COL13A1: variants seen among roughly 807,000 people sequenced by gnomAD.
The protein encoded by COL13A1 is collagen type XIII alpha 1 chain.
Under a neutral mutation model 130.9 loss-of-function variants are expected in COL13A1, and 89 were observed. That is an observed-to-expected ratio of 0.68 (90% confidence interval 0.57 to 0.81). The LOEUF is 0.81. Among genes scored for constraint, COL13A1 ranks in the 30% least tolerant of loss-of-function variants. The pLI is 0.00. For synonymous variants in COL13A1, 402 were observed against 341.6 expected (o/e 1.18, Z -1.95); for missense variants, 879 against 934.6 (o/e 0.94, Z 0.78).
chr10:69,831,177 G>A (rs1294897991), intron 2 of COL13A1, among the ~76,000 whole-genome samples: 5 of 152,084 alleles, frequency 3.3e-5, no homozygotes, highest in African/African-American at 9.7e-5. Context: ...CCTAATTGGC[G>A]GTCTTTACCA....
intron 7 of COL13A1, among the ~76,000 whole-genome samples, chr10:69,884,180 G>A (rs898465034): frequency 2.9e-4 from 44 of 152,322 alleles, no homozygotes; most frequent in African/African-American, 1.0e-3. Context: ...CAGAGCATGT[G>A]GTCTGCTGGA....
intron 2 of COL13A1, among the ~76,000 whole-genome samples, chr10:69,855,265 G>A (rs1856078722): frequency 1.3e-5 from 2 of 152,196 alleles, no homozygotes; most frequent in South Asian, 4.1e-4. Context: ...CATGGAAGCA[G>A]GCCATGGGGC....
rs2068734121 is a variant in COL13A1, at chr10:69,947,497, G to A, written c.2058+155G>A. 2.0e-5 allele frequency among the ~76,000 whole-genome samples: 3 copies of A among 152,140 alleles called. No individual in the cohort carries two copies. The South Asian group carries it at 6.2e-4, about 31-fold the overall frequency. ...TTTACAAGGAGGGCCTTAACCTGTG[G>A]CATGTAGGGAGCCTGGGGCCTGATC... On this transcript the variant is annotated intron_variant, in intron 38 of 40. Coordinates refer to ENST00000645393, the MANE Select transcript of COL13A1 (RefSeq NM_001368882.1).
chr10:69,842,110 C>G (rs144197113), intron 2 of COL13A1, among the ~76,000 whole-genome samples: 1 of 152,160 alleles, frequency 6.6e-6, no homozygotes, highest in South Asian at 2.1e-4. Context: ...ATAATTCCCA[C>G]GTGTTGTGAG....
chr10:69,915,337 T>C (rs1001750599), intron 17 of COL13A1, among the ~76,000 whole-genome samples: 5 of 152,184 alleles, frequency 3.3e-5, no homozygotes, highest in African/African-American at 1.2e-4. Context: ...GGCTCTAGAT[T>C]TTCAGCCATG....
At chr10:69,860,248 C>A (rs1349347470) in intron 2 of COL13A1, among the ~76,000 whole-genome samples, 2 of 150,656 alleles carry the variant, frequency 1.3e-5, no homozygotes, top group African/African-American at 5.0e-5. Context: ...TTGGATGGGG[C>A]GGTCTCCTGA....
intron 36 of COL13A1, among the ~76,000 whole-genome samples, chr10:69,944,531 C>A (rs1195847874): frequency 1.3e-5 from 2 of 152,022 alleles, no homozygotes; most frequent in African/African-American, 4.8e-5. Context: ...TGATGGTGCA[C>A]ACCTCTAGTC....
chr10:69,848,033 G>T (rs1411883189), intron 2 of COL13A1, among the ~76,000 whole-genome samples: 2 of 152,172 alleles, frequency 1.3e-5, no homozygotes, highest in African/African-American at 4.8e-5. Context: ...GCTTGTCTAG[G>T]TCCCTAGAAT....
chr10:69,930,015 G>A lies in COL13A1; in HGVS notation c.1486-28G>A, dbSNP rs376054462. On this transcript the variant is annotated intron_variant, in intron 28 of 40. Transcript: ENST00000645393. ...ATGGCTGCTATGTTCTCTGCCCTGA[G>A]AGTCACCTTTAGTTGTTCCGGTTAC... The A allele has an allele frequency of 1.9e-5, 30 of 1,611,248 alleles. No homozygotes were observed. In the Admixed American group the frequency reaches 2.0e-4, roughly 11 times the overall value.
chr10:69,840,804 G>A (rs1015493014), intron 2 of COL13A1, among the ~76,000 whole-genome samples: 2 of 152,138 alleles, frequency 1.3e-5, no homozygotes, highest in Non-Finnish European at 2.9e-5. Context: ...GTTGACGTCA[G>A]GGAGGAAAAC....
chr10:69,930,633 C>T, intron 30 of COL13A1, 81 bp downstream of exon 30: 1 of 1,462,478 alleles, frequency 6.8e-7, no homozygotes, highest in Non-Finnish European at 9.2e-7. Flanking sequence ...TTGCACTTTG[C>T]ATGATGTGAG....
intron 1 of COL13A1, among the ~76,000 whole-genome samples, chr10:69,804,819 A>AAAAAAG (rs1841071225): frequency 4.1e-4 from 12 of 29,030 alleles, no homozygotes; most frequent in Admixed American, 2.1e-3. Context: ...CAAAAAAAAA[A>AAAAAAG]AAAAAAAAAA....
intron 2 of COL13A1, among the ~76,000 whole-genome samples, chr10:69,834,381 C>T (rs1354525305): frequency 3.3e-5 from 5 of 152,034 alleles, no homozygotes; most frequent in Admixed American, 6.6e-5. Flanking sequence ...AGGGGAGTAA[C>T]GAGAGGGAGG....
chr10:69,940,905 C>A lies in COL13A1; in HGVS notation c.1879-83C>A, dbSNP rs185706331. On this transcript the variant is annotated intron_variant, in intron 34 of 40. Transcript: ENST00000645393. ...CTGTCCAGAGTCACTGCTTTACTCA[C>A]CTCTTCCCTCCCCATTGTTCCCTTT... The A allele has an allele frequency of 1.9e-6, 3 of 1,584,774 alleles. No individual in the cohort carries two copies. In the East Asian group the frequency reaches 6.7e-5, roughly 35 times the overall value.
chr10:69,867,494 G>A (rs1430586810), intron 2 of COL13A1, among the ~76,000 whole-genome samples: 1 of 152,230 alleles, frequency 6.6e-6, no homozygotes, highest in Non-Finnish European at 1.5e-5. Context: ...CACAAGTTCA[G>A]GCAGGTCCCG....
chr10:69,878,907 C>A (rs566480980), intron 6 of COL13A1, among the ~76,000 whole-genome samples: 4 of 152,232 alleles, frequency 2.6e-5, no homozygotes, highest in Non-Finnish European at 5.9e-5. Flanking sequence ...CCAGACCTCC[C>A]GGTGCCCGGC....
At chr10:69,888,729 C>T (rs1200300112) in intron 9 of COL13A1, among the ~76,000 whole-genome samples, 2 of 152,142 alleles carry the variant, frequency 1.3e-5, no homozygotes, top group African/African-American at 2.4e-5. Flanking sequence ...GCCCTGTCCT[C>T]GAGGTCAGGG....
At chr10:69,805,905 G>C (rs1403650193) in intron 1 of COL13A1, among the ~76,000 whole-genome samples, 1 of 152,246 alleles carries the variant, frequency 6.6e-6, no homozygotes, top group Admixed American at 6.5e-5. Context: ...CAAAATGGAG[G>C]TGCAGAAGGT....
intron 31 of COL13A1, among the ~76,000 whole-genome samples, chr10:69,933,429 G>A (rs1474398900): frequency 6.6e-6 from 1 of 152,170 alleles, no homozygotes; most frequent in Non-Finnish European, 1.5e-5. Flanking sequence ...AGACAGCAGA[G>A]AATCAGGCAT....
Sources: allele counts gnomAD v4.1 joint callset (sites outside exome capture counted in the v4.1 genomes callset), GRCh38; gene constraint gnomAD v4.1.1; transcripts MANE v1.5; gene names NCBI Gene and HGNC (gene_info 2026-07-23, HGNC 2026-07-21).